AMOTL1: variants seen among roughly 807,000 people sequenced by gnomAD.
The protein encoded by AMOTL1 is angiomotin-like protein 1.
AMOTL1 carries 45 observed loss-of-function variants against 102.9 expected under a neutral mutation model. The observed-to-expected ratio is 0.44, with a 90% CI of 0.34 to 0.56. AMOTL1 has a LOEUF of 0.56. Ranked by LOEUF, AMOTL1 falls within the 20% of genes least tolerant of loss-of-function variation. AMOTL1 has a pLI of 0.01. For synonymous variants in AMOTL1, 481 were observed against 484.7 expected (o/e 0.99, Z 0.10); for missense variants, 1,114 against 1,225.6 (o/e 0.91, Z 1.36).
intron 3 of AMOTL1, among the ~76,000 whole-genome samples, chr11:94,817,923 A>C (rs1951794202): frequency 6.6e-6 from 1 of 152,222 alleles, no homozygotes; most frequent in Non-Finnish European, 1.5e-5. Flanking sequence ...TTGTTTCTGC[A>C]TCTAGAAAAC....
At chr11:94,732,419 G>A (rs2851583) in intron 2 of AMOTL1, among the ~76,000 whole-genome samples, 148,243 of 152,242 alleles carry the variant, frequency 0.97, 72,302 homozygotes, top group East Asian at 1. Context: ...TTTCTGAAGG[G>A]AAGTCCCTCT....
At chr11:94,734,603 G>A (rs973489553) in intron 2 of AMOTL1, among the ~76,000 whole-genome samples, 3 of 152,216 alleles carry the variant, frequency 2.0e-5, no homozygotes, top group African/African-American at 7.2e-5. Flanking sequence ...GTCATGCTGA[G>A]CTCAGGCAGC....
intron 3 of AMOTL1, among the ~76,000 whole-genome samples, chr11:94,757,879 T>C (rs533205932): frequency 8.3e-4 from 127 of 152,282 alleles, no homozygotes; most frequent in African/African-American, 3.0e-3. Flanking sequence ...CTGACCAACA[T>C]GGTGAAACCC....
chr11:94,852,415 C>T (rs151257611), intron 7 of AMOTL1, among the ~76,000 whole-genome samples: 4 of 152,336 alleles, frequency 2.6e-5, no homozygotes, highest in Middle Eastern at 3.4e-3. Flanking sequence ...AGTGTCATCA[C>T]TGAACTTAAG....
chr11:94,813,011 C>T (rs1280950596), intron 3 of AMOTL1, among the ~76,000 whole-genome samples: 1 of 152,236 alleles, frequency 6.6e-6, no homozygotes, highest in Non-Finnish European at 1.5e-5. Context: ...AACTTGTAGC[C>T]ATCCATAGCG....
chr11:94,869,169 AT>A, intron 11 of AMOTL1, 28 bp from the exon 12 acceptor site: 3 of 1,534,020 alleles, frequency 2.0e-6, no homozygotes, highest in Non-Finnish European at 2.6e-6. Context: ...GAAAAAAAGA[AT>A]GTTGAAAAAT....
Position 94,768,678 on chromosome 11 carries a change from G to T in AMOTL1, c.49+118G>T, listed in dbSNP as rs185049919. On this transcript the variant is annotated intron_variant, in intron 1 of 12. Transcript: ENST00000433060. ...TCACGGAAGGGGGCAGCTTCTGGGG[G>T]CCCGGGGCTGAGATCCCAGATTGTT... is the stretch of plus-strand genomic sequence containing the variant. 1,989 of 1,449,834 alleles carry T rather than the reference G, an allele frequency of 1.4e-3. 25 individuals carry two copies. In the African/African-American group the frequency reaches 0.023, roughly 17 times the overall value. 89.8% of individuals were successfully genotyped at this position (1,449,834 alleles called of 1,614,324 possible).
At chr11:94,754,702 A>T (rs1950700326) in intron 3 of AMOTL1, among the ~76,000 whole-genome samples, 1 of 152,260 alleles carries the variant, frequency 6.6e-6, no homozygotes, top group Non-Finnish European at 1.5e-5. Context: ...TAAGGGCTCC[A>T]CTAAAGGAAT....
intron 3 of AMOTL1, among the ~76,000 whole-genome samples, chr11:94,754,200 G>A (rs976457048): frequency 1.3e-5 from 2 of 152,132 alleles, no homozygotes; most frequent in African/African-American, 4.8e-5. Flanking sequence ...AGGGGGACAT[G>A]GGACCCCAGA....
At chr11:94,764,550 C>T (rs541440599), upstream of AMOTL1, among the ~76,000 whole-genome samples, 1 of 152,280 alleles carries the variant, frequency 6.6e-6, no homozygotes, top group South Asian at 2.1e-4. Context: ...CCAGTTGTAG[C>T]GATGGTCCCA....
chr11:94,745,903 A>C (rs1297565971), intron 3 of AMOTL1, among the ~76,000 whole-genome samples: 2 of 152,236 alleles, frequency 1.3e-5, no homozygotes, highest in African/African-American at 2.4e-5. Context: ...GGAGGTAGTC[A>C]GGAATGGTGA....
intron 1 of AMOTL1, among the ~76,000 whole-genome samples, chr11:94,793,619 A>G (rs558190454): frequency 2.6e-5 from 4 of 152,342 alleles, no homozygotes; most frequent in Non-Finnish European, 2.9e-5. Flanking sequence ...CAGGTCATCC[A>G]TGATTCCTAA....
chr11:94,840,681 T>TATATATATATATATATAC (rs1166713705), intron 6 of AMOTL1, among the ~76,000 whole-genome samples: 11 of 104,780 alleles, frequency 1.0e-4, no homozygotes, highest in South Asian at 1.0e-3. Flanking sequence ...TATATATATA[T>TATATATATATATATATAC]ACACACACAC....
At chr11:94,770,777 C>T (rs373866026) in intron 1 of AMOTL1, among the ~76,000 whole-genome samples, 1 of 152,140 alleles carries the variant, frequency 6.6e-6, no homozygotes, top group African/African-American at 2.4e-5. Context: ...AAAGTGCTGT[C>T]GTTAAGAAAA....
chr11:94,853,903 C>T (rs1952601175), intron 7 of AMOTL1, 30 bp from the exon 8 acceptor site: 1 of 1,596,956 alleles, frequency 6.3e-7, no homozygotes, highest in African/African-American at 1.3e-5. Flanking sequence ...GGTCTAAATT[C>T]TGTGCTCTTT....
chr11:94,840,583 G>A (rs1952276062), intron 6 of AMOTL1, among the ~76,000 whole-genome samples: 1 of 149,814 alleles, frequency 6.7e-6, no homozygotes, highest in African/African-American at 2.5e-5. Context: ...GATTTCCCCA[G>A]CATAACTTCT....
At chr11:94,710,865 G>A (rs1950012954) in intron 1 of AMOTL1, among the ~76,000 whole-genome samples, 1 of 152,064 alleles carries the variant, frequency 6.6e-6, no homozygotes, top group Non-Finnish European at 1.5e-5. Context: ...CATTTCTTGT[G>A]AGTCCTGTTC....
chr11:94,736,067 C>G lies in AMOTL1; in HGVS notation c.86-4871C>G, dbSNP rs576422836. 3.6e-4 allele frequency among the ~76,000 whole-genome samples: 55 copies of G among 152,140 alleles called. 2 individuals are homozygous for G. The South Asian group carries it at 0.011, about 30-fold the overall frequency. The stretch of plus-strand genomic sequence containing the variant: ...TCTTGAGCTCCAGAAATATTTCCAC[C>G]TTGTCGTTTCCTCCCCATACGTCCC... On this transcript the variant is annotated intron_variant, in intron 2 of 4. Coordinates refer to the AMOTL1 transcript ENST00000299004.
intron 1 of AMOTL1, among the ~76,000 whole-genome samples, chr11:94,724,831 G>A (rs1283832989): frequency 6.6e-6 from 1 of 152,102 alleles, no homozygotes; most frequent in African/African-American, 2.4e-5. Flanking sequence ...TAAGTTACCA[G>A]CAAGTACACT....
Sources: allele counts gnomAD v4.1 joint callset (sites outside exome capture counted in the v4.1 genomes callset), GRCh38; gene constraint gnomAD v4.1.1; transcripts MANE v1.5; gene names NCBI Gene and HGNC (gene_info 2026-07-23, HGNC 2026-07-21).